The following SLC25A13 variants were observed in gnomAD, a reference collection of about 807,000 sequenced individuals.
The protein encoded by SLC25A13 is solute carrier family 25 member 13.
SLC25A13 carries 70 observed loss-of-function variants against 85.5 expected under a neutral mutation model. The ratio of observed to expected loss-of-function variants is 0.82; its 90% CI spans 0.68 to 1.00. SLC25A13 has a LOEUF of 1.00. Ranked by LOEUF, SLC25A13 falls within the 50% of genes least tolerant of loss-of-function variation. SLC25A13 has a pLI of 0.00. For synonymous variants in SLC25A13, 259 were observed against 288.7 expected, an observed-to-expected ratio of 0.90 and a Z score of 1.04; for missense variants, 765 against 819.8, an observed-to-expected ratio of 0.93 and a Z score of 0.82.
intron 3 of SLC25A13, among the ~76,000 whole-genome samples, chr7:96,261,945 TC>T (rs1253557118): frequency 1.3e-5 from 2 of 152,122 alleles, no homozygotes; most frequent in Non-Finnish European, 2.9e-5. Context: ...AAGAACCCAC[TC>T]CCACATACCA....
At chr7:96,264,737 C>G in intron 3 of SLC25A13, among the ~76,000 whole-genome samples, 1 of 150,566 alleles carries the variant, frequency 6.6e-6, no homozygotes, top group East Asian at 2.0e-4. Context: ...ATTGTAGAGA[C>G]AGGGTCTCGC....
rs187031701 is a variant in SLC25A13, at chr7:96,210,857, G to T, written c.329-1880C>A. Among the ~76,000 whole-genome samples, 761 of 152,140 alleles carry T rather than the reference G, an allele frequency of 5.0e-3. 7 individuals are homozygous for T. Among genetic ancestry groups the T allele is most frequent in the African/African-American group, 0.017 (714 of 41,508 alleles). ...ATATGCAAGAAAAAATGGTTTTCTG[G>T]TTTATCCTCAGTTAACTTAAAAATT... On this transcript the variant is annotated intron_variant, in intron 4 of 17. Transcript: ENST00000265631.
chr7:96,181,302 C>T (rs1162780250), intron 11 of SLC25A13, among the ~76,000 whole-genome samples: 1 of 152,182 alleles, frequency 6.6e-6, no homozygotes, highest in Non-Finnish European at 1.5e-5. Flanking sequence ...TCATGACTCT[C>T]TGAGGTATAT....
At chr7:96,213,232 A>G (rs1031075388) in intron 4 of SLC25A13, among the ~76,000 whole-genome samples, 3 of 152,168 alleles carry the variant, frequency 2.0e-5, no homozygotes, top group Admixed American at 6.5e-5. Context: ...AATAATCACT[A>G]TGGGTTCCTT....
chr7:96,136,919 T>G (rs1289521555), intron 14 of SLC25A13, among the ~76,000 whole-genome samples: 1 of 152,172 alleles, frequency 6.6e-6, no homozygotes, highest in Non-Finnish European at 1.5e-5. Flanking sequence ...AGAAGGTTAT[T>G]CAATGCTTCT....
At chr7:96,141,023 T>TC (rs1792538213) in intron 14 of SLC25A13, among the ~76,000 whole-genome samples, 2 of 146,958 alleles carry the variant, frequency 1.4e-5, no homozygotes, top group Admixed American at 6.8e-5. Context: ...TTCTTTCTTT[T>TC]TTTTTTTTTT....
chr7:96,220,230 C>G (rs140882444), intron 4 of SLC25A13, among the ~76,000 whole-genome samples: 108 of 152,294 alleles, frequency 7.1e-4, no homozygotes, highest in African/African-American at 2.5e-3. Context: ...TTTCAAAAAC[C>G]TATTTCCTAA....
chr7:96,301,438 A>T (rs2117004846), intron 1 of SLC25A13, among the ~76,000 whole-genome samples: 1 of 152,340 alleles, frequency 6.6e-6, no homozygotes, highest in Admixed American at 6.5e-5. Flanking sequence ...CATTAAAACA[A>T]AAATTTTATA....
intron 4 of SLC25A13, among the ~76,000 whole-genome samples, chr7:96,220,625 TAAA>T (rs1796086428): frequency 6.6e-6 from 1 of 152,218 alleles, no homozygotes; most frequent in Non-Finnish European, 1.5e-5. Context: ...TTCCTATCTT[TAAA>T]TAAGCAGTAC....
chr7:96,142,771 T>G (rs1432794640), intron 14 of SLC25A13, among the ~76,000 whole-genome samples: 2 of 152,180 alleles, frequency 1.3e-5, no homozygotes, highest in Non-Finnish European at 1.5e-5. Context: ...TATATTTTAC[T>G]TTTTAAACTA....
chr7:96,138,486 C>A (rs147864774), intron 14 of SLC25A13, among the ~76,000 whole-genome samples: 3 of 151,634 alleles, frequency 2.0e-5, no homozygotes, highest in Non-Finnish European at 2.9e-5. Flanking sequence ...GCCTTGACCC[C>A]CTGGGCTCAA....
chr7:96,288,460 G>C (rs1378434294), intron 2 of SLC25A13, among the ~76,000 whole-genome samples: 1 of 152,222 alleles, frequency 6.6e-6, no homozygotes, highest in African/African-American at 2.4e-5. Flanking sequence ...GTGAGCCGAA[G>C]CAGGGCGAGG....
intron 3 of SLC25A13, among the ~76,000 whole-genome samples, chr7:96,268,320 T>C (rs1032940606): frequency 2.0e-5 from 3 of 152,234 alleles, no homozygotes; most frequent in African/African-American, 7.2e-5. Context: ...GTATAAAAAT[T>C]ATACTTAGAA....
At chr7:96,222,627 G>C (rs1340504685) in intron 4 of SLC25A13, among the ~76,000 whole-genome samples, 1 of 152,020 alleles carries the variant, frequency 6.6e-6, no homozygotes, top group Non-Finnish European at 1.5e-5. Context: ...TGTATTTTTA[G>C]TAGCGACGGG....
At chr7:96,249,955 G>A (rs182589252) in intron 3 of SLC25A13, among the ~76,000 whole-genome samples, 18 of 151,364 alleles carry the variant, frequency 1.2e-4, no homozygotes, top group Non-Finnish European at 2.4e-4. Flanking sequence ...AGGCTAAGGC[G>A]GGCGGATCAT....
intron 3 of SLC25A13, among the ~76,000 whole-genome samples, chr7:96,254,659 C>A (rs145608642): frequency 2.7e-3 from 409 of 152,196 alleles, no homozygotes; most frequent in Middle Eastern, 0.02. Context: ...TATACACACA[C>A]ATACACACTC....
At chr7:96,281,301 GAATCGC>G (rs942182927) in intron 2 of SLC25A13, among the ~76,000 whole-genome samples, 7 of 149,688 alleles carry the variant, frequency 4.7e-5, no homozygotes, top group African/African-American at 1.7e-4. Flanking sequence ...TGAGGCAGGA[GAATCGC>G]TTGAACCCGG....
At chr7:96,282,565 T>C (rs1365208565) in intron 2 of SLC25A13, among the ~76,000 whole-genome samples, 1 of 152,226 alleles carries the variant, frequency 6.6e-6, no homozygotes, top group African/African-American at 2.4e-5. Flanking sequence ...TTGGGTATTT[T>C]ATATTAGGGA....
intron 4 of SLC25A13, among the ~76,000 whole-genome samples, chr7:96,227,334 T>C (rs1796360882): frequency 2.0e-5 from 3 of 152,174 alleles, no homozygotes; most frequent in Non-Finnish European, 4.4e-5. Context: ...ACTTTAAAAA[T>C]TCTTAAAGGA....
Sources: gnomAD v4.1 joint callset for allele counts (sites outside exome capture counted in the v4.1 genomes callset) on GRCh38, gnomAD v4.1.1 for gene constraint, MANE v1.5 for transcripts, NCBI Gene and HGNC (gene_info 2026-07-23, HGNC 2026-07-21) for gene names.